Variants in TTC16 observed in about 807,000 individuals in gnomAD.
TTC16 encodes tetratricopeptide repeat protein 16.
TTC16 carries 66 observed loss-of-function variants against 80.4 expected under a neutral mutation model. That is an observed-to-expected ratio of 0.82 (90% CI 0.67 to 1.01). TTC16 has a LOEUF of 1.01. Among genes scored for constraint, TTC16 ranks in the 50% least tolerant of loss-of-function variants. TTC16 has a pLI of 0.00. For synonymous variants in TTC16, 438 were observed against 451.3 expected (o/e 0.97, Z 0.37); for missense variants, 1,070 against 1,103.2 (o/e 0.97, Z 0.43).
intron 12 of TTC16, chr9:127,729,236 C>G (rs1844198645): frequency 4.4e-6 from 1 of 226,796 alleles, no homozygotes; most frequent in East Asian, 1.2e-4. Flanking sequence ...CCTACAGAAG[C>G]TCCTCAAGTC....
chr9:127,729,718 T>C, intron 13 of TTC16, 50 bp downstream of exon 13: 1 of 1,576,686 alleles, frequency 6.3e-7, no homozygotes, highest in East Asian at 2.2e-5. Flanking sequence ...GGCAGCAGGG[T>C]AGTCAAAGCT....
intron 4 of TTC16, among the ~76,000 whole-genome samples, chr9:127,719,040 A>G (rs1026285690): frequency 1.3e-5 from 2 of 151,464 alleles, no homozygotes; most frequent in Admixed American, 1.3e-4. Flanking sequence ...GTGAAACCTC[A>G]TCTCTACTAA....
rs113417462 is a variant in TTC16, at chr9:127,724,854, G to A, written c.1216G>A (p.Gly406Ser). 2.9e-3 allele frequency: 4,661 copies of A among 1,586,036 alleles called. 121 individuals are homozygous for A. The African/African-American group carries it at 0.055, about 19-fold the overall frequency. The part of the protein sequence containing the change: ...PQDEGANTRM[G>S]LLQEKMGFCE... ...GGACGAGGGCGCCAACACGCGCATG[G>A]GCCTGCTGCAGGAGAAGATGGGCTT... Residue 406 changes from glycine to serine, a missense_variant, in exon 9 of 14, where the codon GGC becomes AGC. Physicochemically the swap from Gly to Ser is moderately conservative, Grantham distance 56. Transcript: ENST00000373289.
rs551780606 is a variant in TTC16, at chr9:127,716,123, G to C, written c.-23G>C. ...CCGCGAGGTAGTTGGCAGAGGCCTC[G>C]GGGTCCTCCTGGAAGGGGCCTCATG... On this transcript the variant is annotated 5_prime_UTR_variant, in exon 1 of 14. Coordinates refer to ENST00000373289, the MANE Select transcript of TTC16 (RefSeq NM_144965.3). 1 of 1,613,852 alleles carries C rather than the reference G, an allele frequency of 6.2e-7. No individual in the cohort carries two copies. Among genetic ancestry groups the C allele is most frequent in the Non-Finnish European group, 8.5e-7 (1 of 1,180,018 alleles).
At chr9:127,724,641 C>T (rs945841153) in intron 8 of TTC16, 115 bp from the exon 9 acceptor site, 5 of 1,386,064 alleles carry the variant, frequency 3.6e-6, no homozygotes, top group South Asian at 1.4e-5. Flanking sequence ...GAGACTGCGG[C>T]GGGGGGTTAT....
At chr9:127,728,669 C>T (rs1318107845) in intron 12 of TTC16, 1 of 152,248 alleles carries the variant, frequency 6.6e-6, no homozygotes, top group Non-Finnish European at 1.5e-5. Flanking sequence ...GTGGTGTATA[C>T]CTATAGTCCC....
At position 127,724,709 on chromosome 9, in the gene TTC16, G is replaced by C. The variant is rs748405054; in HGVS notation, c.1118-47G>C. On this transcript the variant is annotated intron_variant, in intron 8 of 13. Transcript: ENST00000373289. ...TGGAGCCGGCTGGGCTGGGGCTCCC[G>C]GGCACTGGGAGTTGGGGGTCCACTC... 1.9e-6 allele frequency: 3 copies of C among 1,585,362 alleles called. No homozygotes were observed. The Admixed American group carries it at 5.2e-5, about 28-fold the overall frequency.
Position 127,731,550 on chromosome 9 carries a change from A to G in TTC16, c.*145A>G, listed in dbSNP as rs926716678. 13 of 1,424,304 alleles carry G rather than the reference A, an allele frequency of 9.1e-6. No individual in the cohort carries two copies. The highest frequency in any genetic ancestry group is 9.2e-6 in the Non-Finnish European group (10 of 1,088,440). 88.2% of individuals were successfully genotyped at this position (1,424,304 alleles called of 1,614,324 possible). ...CTGGTCCCACAGCTGAGTTTATTAT[A>G]CTTGTTTTCTTTTACAAAATTAAAA... is the stretch of plus-strand genomic sequence containing the variant. On this transcript the variant is annotated 3_prime_UTR_variant, in exon 14 of 14. Coordinates refer to ENST00000373289, the MANE Select transcript of TTC16 (RefSeq NM_144965.3).
chr9:127,729,260 C>G (rs539295531), intron 12 of TTC16: 8 of 274,390 alleles, frequency 2.9e-5, no homozygotes, highest in African/African-American at 1.3e-4. Flanking sequence ...CGTAAGCATT[C>G]CCCAGGGCAC....
intron 6 of TTC16, among the ~76,000 whole-genome samples, chr9:127,721,593 T>C (rs1843517260): frequency 6.6e-6 from 1 of 152,126 alleles, no homozygotes; most frequent in Non-Finnish European, 1.5e-5. Flanking sequence ...GCCACCACCC[T>C]GGCAGGAGTG....
Position 127,717,386 on chromosome 9 carries a change from C to A in TTC16, c.244C>A (p.Leu82Met). 1 of 1,613,310 alleles carries A rather than the reference C, an allele frequency of 6.2e-7. No homozygotes were observed. The highest frequency in any genetic ancestry group is 1.7e-5 in the Admixed American group (1 of 60,026). Residue 82 changes from leucine to methionine, a missense_variant, in exon 3 of 14, where the codon CTG (leucine) becomes ATG (methionine). Transcript: ENST00000373289. ...GCAGGCAGACTGGGAGACAGCTGTGCTGCTCTTCTCCCGCGCACTCCACCT... is the reference window on the plus strand; with the variant it reads ...GCAGGCAGACTGGGAGACAGCTGTGATGCTCTTCTCCCGCGCACTCCACCT... Reference protein sequence around the residue: ...LEQADWETAVLLFSRALHLDP... With the variant: ...LEQADWETAVMLFSRALHLDP...
At chr9:127,723,004 G>T in intron 6 of TTC16, 115 bp from the exon 7 acceptor site, 1 of 968,352 alleles carries the variant, frequency 1.0e-6, no homozygotes, top group South Asian at 1.5e-5. Context: ...GGAACATGGA[G>T]GGATGTGAGG....
At position 127,724,824 on chromosome 9, in the gene TTC16, C is replaced by G. The variant is rs771410361; in HGVS notation, c.1186C>G (p.Pro396Ala). The G allele has an allele frequency of 1.2e-6, 2 of 1,606,694 alleles. No homozygotes were observed. Among genetic ancestry groups the G allele is most frequent in the Non-Finnish European group, 1.7e-6 (2 of 1,177,480 alleles). Reference sequence around the variant, plus strand: ...CTACCAGCAGGCGCTGGCGCTGAGCCCTCAGGACGAGGGCGCCAACACGCG... The same window carrying G: ...CTACCAGCAGGCGCTGGCGCTGAGCGCTCAGGACGAGGGCGCCAACACGCG... ...ADYQQALALS[P>A]QDEGANTRMG... is the part of the protein sequence containing the mutation. Residue 396 changes from proline (P) to alanine (A), a missense_variant, in exon 9 of 14, where the codon CCT (proline) becomes GCT (alanine). Physicochemically the swap from Pro to Ala is conservative, Grantham distance 27. Coordinates refer to ENST00000373289, the MANE Select transcript of TTC16 (RefSeq NM_144965.3).
rs1193411177 is a variant in TTC16, at chr9:127,722,311, T to G, written c.658-808T>G. Among the ~76,000 whole-genome samples, 4 of 152,202 alleles carry G rather than the reference T, an allele frequency of 2.6e-5. No homozygotes were observed. The highest frequency in any genetic ancestry group is 5.9e-5 in the Non-Finnish European group (4 of 68,030). ...CGCAGGGAACAGGGTGTTGTTGAAC[T>G]GTCTGTTGCCTGGCTGAGCTGCGCC... is the stretch of plus-strand genomic sequence containing the variant. On this transcript the variant is annotated intron_variant, in intron 6 of 13. Coordinates refer to ENST00000373289, the MANE Select transcript of TTC16 (RefSeq NM_144965.3). The surrounding 1 kb of genome is among the most constrained non-coding windows in gnomAD (Gnocchi z 4.2).
chr9:127,721,742 C>T (rs1843529658), intron 6 of TTC16, among the ~76,000 whole-genome samples: 1 of 152,138 alleles, frequency 6.6e-6, no homozygotes, highest in Non-Finnish European at 1.5e-5. Flanking sequence ...CTCACTCTGT[C>T]ACCTAGGCTG....
chr9:127,719,372 A>T (rs1418974922), intron 4 of TTC16, among the ~76,000 whole-genome samples: 1 of 152,196 alleles, frequency 6.6e-6, no homozygotes, highest in Non-Finnish European at 1.5e-5. Flanking sequence ...TCCATAAGAG[A>T]AGCATGCTAG....
At chr9:127,724,518 G>A (rs1436963937) in intron 8 of TTC16, 154 bp downstream of exon 8, 4 of 1,167,412 alleles carry the variant, frequency 3.4e-6, no homozygotes, top group Non-Finnish European at 4.8e-6. Context: ...CAGTATCCCA[G>A]GAACACACTT....
chr9:127,718,952 C>T lies in TTC16; in HGVS notation c.427-1126C>T, dbSNP rs1337606168. 6.6e-6 allele frequency among the ~76,000 whole-genome samples: 1 copy of T among 151,640 alleles called. No individual in the cohort carries two copies. Among genetic ancestry groups the T allele is most frequent in the African/African-American group, 2.4e-5 (1 of 41,328 alleles). On this transcript the variant is annotated intron_variant, in intron 4 of 13. Coordinates refer to ENST00000373289, the MANE Select transcript of TTC16 (RefSeq NM_144965.3). The surrounding 1 kb of genome is among the most constrained non-coding windows in gnomAD (Gnocchi z 4.6). ...TCTTGGCCGGGCACGGTGGCTCACG[C>T]CTGTAATCCCAGCACTTTGGGAGGC...
At position 127,724,113 on chromosome 9, in the gene TTC16, C is replaced by A. The variant is rs1843714480; in HGVS notation, c.873-7C>A. ...CCTCCTGCCGTCTCCCACGCCCCCC[C>A]CGACAGGGGCACCATGTACCGACGG... On this transcript the variant is annotated splice_region_variant and splice_polypyrimidine_tract_variant and intron_variant, in intron 7 of 13. Transcript: ENST00000373289. 6.3e-7 allele frequency: 1 copy of A among 1,599,850 alleles called. No individual in the cohort carries two copies. Among genetic ancestry groups the A allele is most frequent in the African/African-American group, 1.3e-5 (1 of 74,830 alleles).
Sources: allele counts gnomAD v4.1 joint callset (sites outside exome capture counted in the v4.1 genomes callset), GRCh38; gene constraint gnomAD v4.1.1; non-coding constraint Gnocchi (gnomAD v3.1); transcripts MANE v1.5; gene names NCBI Gene and HGNC (gene_info 2026-07-23, HGNC 2026-07-21).